Variants in RTF2 observed in about 807,000 individuals in gnomAD.
The protein encoded by RTF2 is replication termination factor 2.
Under a neutral mutation model 38.0 loss-of-function variants are expected in RTF2, and 18 were observed. The observed-to-expected ratio is 0.47, with a 90% CI of 0.33 to 0.70. The LOEUF is 0.70. RTF2 is among the 30% of genes least tolerant of loss of function. RTF2 has a pLI of 0.02. For missense variants in RTF2, 311 were observed against 379.6 expected (o/e 0.82, Z 1.50); for synonymous variants, 126 against 137.1 (o/e 0.92, Z 0.57).
intron 8 of RTF2, among the ~76,000 whole-genome samples, chr20:56,517,747 G>A (rs1985141246): frequency 6.6e-6 from 1 of 152,044 alleles, no homozygotes. Flanking sequence ...TAGCATCCAG[G>A]GTGGCTGACA....
chr20:56,486,270 CTGTT>C (rs1388369181), intron 5 of RTF2, among the ~76,000 whole-genome samples: 2 of 152,140 alleles, frequency 1.3e-5, no homozygotes, highest in African/African-American at 2.4e-5. Context: ...TCTAGCAAAA[CTGTT>C]TGGTATTCTC....
chr20:56,485,494 G>C (rs1982746583), intron 5 of RTF2, among the ~76,000 whole-genome samples: 1 of 152,176 alleles, frequency 6.6e-6, no homozygotes, highest in Non-Finnish European at 1.5e-5. Flanking sequence ...AGCCGGATGG[G>C]ATGTGCATTA....
intron 5 of RTF2, among the ~76,000 whole-genome samples, chr20:56,490,878 C>T (rs1157281093): frequency 3.9e-5 from 6 of 152,180 alleles, no homozygotes; most frequent in Non-Finnish European, 5.9e-5. Context: ...TAAAGATTCA[C>T]TTTTGTAGTC....
intron 5 of RTF2, among the ~76,000 whole-genome samples, chr20:56,497,864 T>C (rs933680527): frequency 2.6e-5 from 4 of 152,252 alleles, no homozygotes; most frequent in African/African-American, 9.6e-5. Flanking sequence ...CAATTGCCGA[T>C]ACGCCTTCTG....
chr20:56,510,148 A>C (rs1311332342), intron 5 of RTF2, among the ~76,000 whole-genome samples: 2 of 152,236 alleles, frequency 1.3e-5, no homozygotes, highest in African/African-American at 4.8e-5. Flanking sequence ...AGTGATAAAA[A>C]TATGCTAAAA....
At chr20:56,486,814 A>C (rs904350535) in intron 5 of RTF2, among the ~76,000 whole-genome samples, 1 of 152,134 alleles carries the variant, frequency 6.6e-6, no homozygotes, top group Non-Finnish European at 1.5e-5. Flanking sequence ...GTGATTGGTT[A>C]GTGGGGGAAA....
intron 4 of RTF2, among the ~76,000 whole-genome samples, chr20:56,480,935 T>C (rs1420576840): frequency 6.6e-6 from 1 of 152,198 alleles, no homozygotes; most frequent in Non-Finnish European, 1.5e-5. Context: ...ATGAAATCAT[T>C]TGAAATATTT....
At chr20:56,509,536 C>G (rs573639128) in intron 5 of RTF2, among the ~76,000 whole-genome samples, 88 of 151,668 alleles carry the variant, frequency 5.8e-4, no homozygotes, top group Non-Finnish European at 1.0e-3. Flanking sequence ...TCGCTTGAAC[C>G]CAGGAGGTGG....
At chr20:56,488,583 G>A (rs543452680) in intron 5 of RTF2, among the ~76,000 whole-genome samples, 3 of 152,304 alleles carry the variant, frequency 2.0e-5, no homozygotes, top group South Asian at 2.1e-4. Context: ...AAGGAGTGTC[G>A]TCAGAAGTGG....
At chr20:56,514,727 ATT>A (rs2146379944) in intron 6 of RTF2, among the ~76,000 whole-genome samples, 1 of 152,270 alleles carries the variant, frequency 6.6e-6, no homozygotes, top group South Asian at 2.1e-4. Context: ...AGGCATTTGT[ATT>A]TTCTCCCTTC....
In RTF2 at chr20:56,496,804, G is replaced by A. The variant is rs145022504; in HGVS notation, c.477+12615G>A. 5.3e-4 allele frequency: 822 copies of A among 1,552,004 alleles called. 5 individuals are homozygous for A. In the African/African-American group the frequency reaches 0.01, roughly 19 times the overall value. On this transcript the variant is annotated intron_variant, in intron 5 of 8. Coordinates refer to ENST00000357348, the MANE Select transcript of RTF2 (RefSeq NM_016407.5). ...AAATAAATGGTTAAGTTATGGGGTGGTTTGTCTTTGAATCTGTTATTTGGA... is the reference window on the plus strand; with the variant it reads ...AAATAAATGGTTAAGTTATGGGGTGATTTGTCTTTGAATCTGTTATTTGGA...
intron 6 of RTF2, 122 bp from the exon 7 acceptor site, chr20:56,516,813 G>C (rs1353648178): frequency 1.2e-6 from 1 of 824,450 alleles, no homozygotes. Flanking sequence ...CAGAGTGACT[G>C]TCTGTCTCAT....
chr20:56,486,099 T>C (rs948718847), intron 5 of RTF2, among the ~76,000 whole-genome samples: 9 of 152,160 alleles, frequency 5.9e-5, no homozygotes, highest in Admixed American at 3.3e-4. Context: ...TGGGTATCTC[T>C]GTAAGGCGTT....
At chr20:56,503,508 C>T (rs1456473759) in intron 5 of RTF2, among the ~76,000 whole-genome samples, 4 of 152,032 alleles carry the variant, frequency 2.6e-5, no homozygotes, top group Non-Finnish European at 5.9e-5. Context: ...CTAGTTGATG[C>T]CATACTGGGA....
chr20:56,502,114 G>A (rs933451590), intron 5 of RTF2, among the ~76,000 whole-genome samples: 1 of 152,176 alleles, frequency 6.6e-6, no homozygotes, highest in African/African-American at 2.4e-5. Context: ...AAGCCATCTA[G>A]CATCCAAGAG....
chr20:56,505,203 C>T (rs954216137), intron 5 of RTF2, among the ~76,000 whole-genome samples: 1 of 152,064 alleles, frequency 6.6e-6, no homozygotes, highest in African/African-American at 2.4e-5. Flanking sequence ...GAAACATGTC[C>T]TTGCTGGGTG....
In RTF2 at chr20:56,514,244, T is replaced by C. The variant is rs369987498; in HGVS notation, c.591+816T>C. The C allele has an allele frequency of 3.3e-5, 5 of 152,274 alleles. 1 individual carries two copies. Among genetic ancestry groups the C allele is most frequent in the East Asian group, 1.9e-4 (1 of 5,174 alleles). The allele number at this position is 152,274 out of a possible 1,614,324, so 9.4% of individuals were successfully genotyped here. ...TCCAGACAACGCATCCACCAAGAGT[T>C]CTTCCATGCGCTGGTGATTCCCCAT... On this transcript the variant is annotated intron_variant, in intron 6 of 8. Coordinates refer to ENST00000357348, the MANE Select transcript of RTF2 (RefSeq NM_016407.5).
intron 5 of RTF2, chr20:56,496,645 G>A: frequency 6.7e-7 from 1 of 1,492,460 alleles, no homozygotes; most frequent in Non-Finnish European, 8.9e-7. Flanking sequence ...TTACCTTTTA[G>A]TCGGTTCAGG....
At chr20:56,516,166 C>T (rs915247898) in intron 6 of RTF2, 2 of 152,192 alleles carry the variant, frequency 1.3e-5, no homozygotes, top group Non-Finnish European at 2.9e-5. Flanking sequence ...CTTTAATGCT[C>T]AGTGCTGGGA....
Sources: allele counts gnomAD v4.1 joint callset (sites outside exome capture counted in the v4.1 genomes callset), GRCh38; gene constraint gnomAD v4.1.1; transcripts MANE v1.5; gene names NCBI Gene and HGNC (gene_info 2026-07-23, HGNC 2026-07-21).